CCDC146: variants seen among roughly 807,000 people sequenced by gnomAD.
CCDC146 encodes the protein coiled-coil domain containing 146.
In CCDC146, 92 loss-of-function variants were observed where a neutral mutation model predicts 119.3. That is an observed-to-expected ratio of 0.77 (90% CI 0.65 to 0.92). The LOEUF is 0.92. Among genes scored for constraint, CCDC146 ranks in the 40% least tolerant of loss-of-function variants. CCDC146 has a pLI of 0.00. For synonymous variants in CCDC146, 372 were observed against 371.8 expected (o/e 1.00, Z -0.01); for missense variants, 1,000 against 1,103.0 (o/e 0.91, Z 1.32).
chr7:77,135,868 A>G (rs1790854434), intron 1 of CCDC146, among the ~76,000 whole-genome samples: 2 of 152,236 alleles, frequency 1.3e-5, no homozygotes, highest in Non-Finnish European at 2.9e-5. Context: ...AAGTAGCTAT[A>G]TTAATTTCAA....
chr7:77,201,509 G>A (rs1055034663), intron 2 of CCDC146, among the ~76,000 whole-genome samples: 14 of 150,978 alleles, frequency 9.3e-5, no homozygotes, highest in African/African-American at 2.4e-4. Flanking sequence ...AGCCTAGATC[G>A]TACCACTGCA....
At chr7:77,160,169 T>C (rs1441242903) in intron 1 of CCDC146, among the ~76,000 whole-genome samples, 2 of 152,204 alleles carry the variant, frequency 1.3e-5, no homozygotes, top group East Asian at 3.8e-4. Context: ...TTGGTTACTG[T>C]AGCCTTGTAG....
At chr7:77,231,821 T>G (rs186230922) in intron 2 of CCDC146, among the ~76,000 whole-genome samples, 85 of 151,262 alleles carry the variant, frequency 5.6e-4, no homozygotes, top group East Asian at 4.8e-3. Context: ...TGTTGTTGTT[T>G]TTTTTTTTTT....
intron 1 of CCDC146, among the ~76,000 whole-genome samples, chr7:77,127,783 T>G (rs529653736): frequency 6.6e-6 from 1 of 152,218 alleles, no homozygotes; most frequent in South Asian, 2.1e-4. Context: ...CATTTAGACA[T>G]GTATTTTAAT....
chr7:77,206,227 G>A (rs1478736404), intron 2 of CCDC146, among the ~76,000 whole-genome samples: 1 of 152,148 alleles, frequency 6.6e-6, no homozygotes, highest in East Asian at 1.9e-4. Flanking sequence ...TCTTGAAACT[G>A]CCTATGTATT....
chr7:77,252,896 A>G (rs146689835), intron 4 of CCDC146, among the ~76,000 whole-genome samples: 21 of 152,300 alleles, frequency 1.4e-4, no homozygotes, highest in Non-Finnish European at 2.9e-5. Context: ...GACATTTGTT[A>G]CTTACTTCCA....
chr7:77,241,147 TC>T lies in CCDC146; in HGVS notation c.240-542del, dbSNP rs1332819084. On this transcript the variant is annotated intron_variant, in intron 3 of 18. Transcript: ENST00000285871. ...ATCTCGGCTCACTGCAAGCTCCGCC[TC>T]CTGGGTTCACGCCATTCTCCTGCCT... Among the ~76,000 whole-genome samples, 3 of 150,018 alleles carry T rather than the reference TC, an allele frequency of 2.0e-5. No homozygotes were observed. The East Asian group carries it at 5.8e-4, about 29-fold the overall frequency.
intron 1 of CCDC146, among the ~76,000 whole-genome samples, chr7:77,124,463 T>C (rs1334209904): frequency 6.6e-6 from 1 of 152,150 alleles, no homozygotes; most frequent in African/African-American, 2.4e-5. Flanking sequence ...CCTCACTAAT[T>C]AGGAGGGAAA....
At chr7:77,211,761 G>A (rs1489184833) in intron 2 of CCDC146, among the ~76,000 whole-genome samples, 9 of 151,944 alleles carry the variant, frequency 5.9e-5, no homozygotes, top group Admixed American at 2.0e-4. Context: ...GATTACAGGC[G>A]TGCTTTTCCA....
intron 4 of CCDC146, among the ~76,000 whole-genome samples, chr7:77,251,081 G>C (rs1464968069): frequency 6.7e-6 from 1 of 148,756 alleles, no homozygotes; most frequent in Non-Finnish European, 1.5e-5. Context: ...GAGTACAGTG[G>C]CACAATCTCG....
At chr7:77,247,811 A>G (rs1350398769) in intron 4 of CCDC146, among the ~76,000 whole-genome samples, 1 of 152,236 alleles carries the variant, frequency 6.6e-6, no homozygotes, top group Non-Finnish European at 1.5e-5. Context: ...AGTGCTGAGT[A>G]AAGGGAACAC....
chr7:77,163,851 C>CTTTT (rs1554347966), intron 1 of CCDC146, among the ~76,000 whole-genome samples: 2 of 140,902 alleles, frequency 1.4e-5, no homozygotes, highest in Admixed American at 7.2e-5. Flanking sequence ...TTCTTTCTTT[C>CTTTT]TTTTTTTTCT....
intron 1 of CCDC146, among the ~76,000 whole-genome samples, chr7:77,154,447 C>A (rs1791150503): frequency 8.1e-6 from 1 of 124,062 alleles, no homozygotes; most frequent in African/African-American, 3.0e-5. Context: ...CTAATGTTAT[C>A]CCTCCCCCCT....
intron 15 of CCDC146, among the ~76,000 whole-genome samples, chr7:77,285,873 A>G (rs1042824000): frequency 2.6e-5 from 4 of 152,218 alleles, no homozygotes; most frequent in African/African-American, 7.2e-5. Flanking sequence ...TTCCTCACAG[A>G]GTGTACATTA....
At chr7:77,169,539 C>T (rs1455958325) in intron 2 of CCDC146, among the ~76,000 whole-genome samples, 1 of 152,194 alleles carries the variant, frequency 6.6e-6, no homozygotes, top group African/African-American at 2.4e-5. Flanking sequence ...ATCATTTCTT[C>T]TATATTTATT....
chr7:77,198,369 G>A (rs1456425268), intron 2 of CCDC146: 1 of 962,764 alleles, frequency 1.0e-6, no homozygotes, highest in Non-Finnish European at 1.2e-6. Context: ...GAGACAGTCA[G>A]CAACAGTGGT....
intron 14 of CCDC146, among the ~76,000 whole-genome samples, chr7:77,281,068 A>C (rs2150547511): frequency 6.6e-6 from 1 of 151,856 alleles, no homozygotes; most frequent in Admixed American, 6.6e-5. Context: ...GTGCCACTGC[A>C]CTATAGCCTG....
At chr7:77,203,402 AGTG>A (rs67426579) in intron 2 of CCDC146, among the ~76,000 whole-genome samples, 66,427 of 151,400 alleles carry the variant, frequency 0.44, 17,090 homozygotes, top group African/African-American at 0.72. Flanking sequence ...TCAAGCAAAG[AGTG>A]GTGGCACATC....
At chr7:77,282,254 G>C (rs1793777551) in intron 14 of CCDC146, 1 of 282,404 alleles carries the variant, frequency 3.5e-6, no homozygotes, top group Non-Finnish European at 6.6e-6. Context: ...GGATCACTTT[G>C]TTTGTGCATT....
Sources: gnomAD v4.1 joint callset for allele counts (sites outside exome capture counted in the v4.1 genomes callset) on GRCh38, gnomAD v4.1.1 for gene constraint, MANE v1.5 for transcripts, NCBI Gene and HGNC (gene_info 2026-07-23, HGNC 2026-07-21) for gene names.